ZNF507: variants seen among roughly 807,000 people sequenced by gnomAD.
The protein encoded by ZNF507 is zinc finger protein 507.
Under a neutral mutation model 80.0 loss-of-function variants are expected in ZNF507, and 29 were observed. That is an observed-to-expected ratio of 0.36 (90% CI 0.27 to 0.49). The LOEUF is 0.49. ZNF507 is among the 20% of genes least tolerant of loss of function. The probability of loss-of-function intolerance (pLI) is 0.98; values close to 1 mark genes in which losing one functional copy is unlikely to be tolerated. For missense variants in ZNF507, 1,081 were observed against 1,152.2 expected, an observed-to-expected ratio of 0.94 and a Z score of 0.90; for synonymous variants, 462 against 422.5, an observed-to-expected ratio of 1.09 and a Z score of -1.15.
chr19:32,365,491 C>T (rs1361570090), intron 5 of ZNF507, among the ~76,000 whole-genome samples: 1 of 152,042 alleles, frequency 6.6e-6, no homozygotes, highest in African/African-American at 2.4e-5. Context: ...GTCCTTAATC[C>T]ATCTTGAGTT....
intron 2 of ZNF507, among the ~76,000 whole-genome samples, chr19:32,347,728 A>G (rs889284133): frequency 1.3e-5 from 2 of 152,198 alleles, no homozygotes; most frequent in South Asian, 2.1e-4. Context: ...GGATTTCCTC[A>G]GTCATTTTTG....
In ZNF507 at chr19:32,353,237, C is replaced by T; in HGVS notation, c.407C>T (p.Ser136Phe). 1 of 1,614,206 alleles carries T rather than the reference C, an allele frequency of 6.2e-7. No homozygotes were observed. The highest frequency in any genetic ancestry group is 8.5e-7 in the Non-Finnish European group (1 of 1,180,028). Residue 136 changes from serine (S) to phenylalanine (F), a missense_variant, in exon 3 of 7, where the codon TCC (serine) becomes TTC (phenylalanine). By Grantham distance (155) the Ser-to-Phe change is radical. Coordinates refer to ENST00000355898, the MANE Select transcript of ZNF507 (RefSeq NM_001136156.2). Reference protein sequence around the residue: ...QCSLCKFLSSSFSVLKDHIKQ... With the variant: ...QCSLCKFLSSFFSVLKDHIKQ... ...AGCCTTTGTAAGTTTCTATCATCAT[C>T]CTTTTCCGTGTTAAAAGATCATATT... is the stretch of plus-strand genomic sequence containing the variant.
chr19:32,381,330 G>C (rs116960449), intron 5 of ZNF507, among the ~76,000 whole-genome samples: 2,119 of 152,242 alleles, frequency 0.014, 26 homozygotes, highest in Non-Finnish European at 0.023. Context: ...AATTGGCTGG[G>C]CATGGTGGCT....
Position 32,384,983 on chromosome 19 carries a change from A to C in ZNF507, c.*1900A>C, listed in dbSNP as rs1967670202. On this transcript the variant is annotated 3_prime_UTR_variant, in exon 7 of 7. Transcript: ENST00000355898. ...CATTTAAAATGATTTCATTATTATTACCCATACTGTTGCCACTCATATTGT... is the reference window on the plus strand; with the variant it reads ...CATTTAAAATGATTTCATTATTATTCCCCATACTGTTGCCACTCATATTGT... 2 of 152,078 alleles carry C rather than the reference A, an allele frequency of 1.3e-5. No homozygotes were observed. Among genetic ancestry groups the C allele is most frequent in the African/African-American group, 4.8e-5 (2 of 41,434 alleles). The allele number at this position is 152,078 out of a possible 1,614,324, so 9.4% of individuals were successfully genotyped here.
chr19:32,367,526 T>TAC (rs1967414832), intron 5 of ZNF507, among the ~76,000 whole-genome samples: 1 of 152,242 alleles, frequency 6.6e-6, no homozygotes. Context: ...TCCAGTTTAA[T>TAC]ATAGTCAAAT....
intron 2 of ZNF507, among the ~76,000 whole-genome samples, chr19:32,351,470 T>TGTGTGTGG (rs1568301905): frequency 1.9e-5 from 2 of 102,616 alleles, no homozygotes; most frequent in African/African-American, 3.9e-5. Flanking sequence ...TGTGTGTGTG[T>TGTGTGTGG]GGCGTGGGGG....
chr19:32,371,967 C>T (rs1302735706), intron 5 of ZNF507, among the ~76,000 whole-genome samples: 3 of 151,958 alleles, frequency 2.0e-5, no homozygotes, highest in Admixed American at 6.6e-5. Context: ...AGGAGTCTTG[C>T]GGGGGAAATG....
chr19:32,380,726 C>T (rs1056423641), intron 5 of ZNF507: 37 of 1,070,138 alleles, frequency 3.5e-5, no homozygotes, highest in East Asian at 3.4e-4. Flanking sequence ...TTTTACAATA[C>T]GACCCAGCAA....
At chr19:32,375,441 G>A (rs1208739391) in intron 5 of ZNF507, among the ~76,000 whole-genome samples, 2 of 152,236 alleles carry the variant, frequency 1.3e-5, no homozygotes. Context: ...AAAGTCCTCA[G>A]TGTAGTCCAT....
At chr19:32,374,115 T>C (rs1203631783) in intron 5 of ZNF507, among the ~76,000 whole-genome samples, 1 of 151,822 alleles carries the variant, frequency 6.6e-6, no homozygotes, top group Non-Finnish European at 1.5e-5. Context: ...TGATAATGTT[T>C]AACTAAGCCA....
rs549157245 is a variant in ZNF507 at position 32,354,538 on chromosome 19, G to T, written c.1708G>T (p.Gly570Cys). The T allele has an allele frequency of 6.2e-7, 1 of 1,614,122 alleles. No individual in the cohort carries two copies. The highest frequency in any genetic ancestry group is 2.2e-5 in the East Asian group (1 of 44,888). Residue 570 changes from glycine to cysteine, a missense_variant, in exon 3 of 7, where the codon GGT becomes TGT. Gly to Cys is a radical substitution (Grantham distance 159). Transcript: ENST00000355898. ...SNSTLVALPE[G>C]RQELSDGQVK... ...CTCCACCTTGGTAGCACTCCCAGAG[G>T]GTAGGCAGGAATTGTCAGATGGGCA...
chr19:32,374,169 A>AACACACACACACAC (rs56820529), intron 5 of ZNF507, among the ~76,000 whole-genome samples: 20,863 of 149,740 alleles, frequency 0.14, 1,460 homozygotes, highest in South Asian at 0.24. Context: ...CAAAGCAAGG[A>AACACACACACACAC]ACACACACAC....
rs1028127144 is a variant in ZNF507, at chr19:32,383,510, G to A, written c.*427G>A. 1 of 157,304 alleles carries A rather than the reference G, an allele frequency of 6.4e-6. No homozygotes were observed. The highest frequency in any genetic ancestry group is 1.9e-4 in the East Asian group (1 of 5,326). The allele number at this position is 157,304 out of a possible 1,614,324, so 9.7% of individuals were successfully genotyped here. ...CTCACTTGTCAAATGCAGACTGTGA[G>A]GCCTCCAGTGAGAAATGGGAGGCAG... On this transcript the variant is annotated 3_prime_UTR_variant, in exon 7 of 7. Transcript: ENST00000355898.
rs1359934176 is a variant in ZNF507, at chr19:32,360,461, CTT to C, written c.2246-42_2246-41del. 5.7e-6 allele frequency: 6 copies of C among 1,048,692 alleles called. No homozygotes were observed. In the African/African-American group the frequency reaches 9.9e-5, roughly 17 times the overall value. 65.0% of individuals were successfully genotyped at this position (1,048,692 alleles called of 1,614,324 possible). A position where few individuals can be genotyped will look rare whatever the true frequency, so the allele number is the denominator to read the frequency against. ...GGAATGTAAATGCTGTCATTTGAAT[CTT>C]GTCAAAGCCTGCTACTAAAACTCTG... On this transcript the variant is annotated intron_variant, in intron 4 of 6. Transcript: ENST00000355898.
At chr19:32,351,418 GCT>G (rs1491223525) in intron 2 of ZNF507, among the ~76,000 whole-genome samples, 4 of 48,856 alleles carry the variant, frequency 8.2e-5, no homozygotes, top group Non-Finnish European at 1.8e-4. Flanking sequence ...AAGCTGGTCA[GCT>G]GTGTGTGTGT....
rs1009491735 is a variant in ZNF507 at position 32,385,578 on chromosome 19, G to T, written c.*2495G>T. The T allele has an allele frequency of 3.3e-5, 5 of 152,246 alleles. No individual in the cohort carries two copies. Among genetic ancestry groups the T allele is most frequent in the African/African-American group, 1.2e-4 (5 of 41,450 alleles). The allele number at this position is 152,246 out of a possible 1,614,324, so 9.4% of individuals were successfully genotyped here. ...ACCTGTAATCCCAATACTTTAGAAG[G>T]CCAAGGCTGGAGGACTGCTTGAGTC... On this transcript the variant is annotated 3_prime_UTR_variant, in exon 7 of 7. Coordinates refer to ENST00000355898, the MANE Select transcript of ZNF507 (RefSeq NM_001136156.2).
chr19:32,355,187 G>A (rs903621936), intron 3 of ZNF507, among the ~76,000 whole-genome samples: 7 of 152,092 alleles, frequency 4.6e-5, no homozygotes, highest in African/African-American at 1.7e-4. Context: ...GACAGCCTCT[G>A]TGTTTTAGTG....
intron 5 of ZNF507, among the ~76,000 whole-genome samples, chr19:32,366,470 T>C (rs1273885673): frequency 6.6e-6 from 1 of 152,014 alleles, no homozygotes; most frequent in Non-Finnish European, 1.5e-5. Context: ...ATACAGTACA[T>C]ATTCTACTTT....
rs1208061709 is a variant in ZNF507, at chr19:32,354,536, A to C, written c.1706A>C (p.Glu569Ala). Reference protein sequence around the residue: ...QSNSTLVALPEGRQELSDGQV... With the variant: ...QSNSTLVALPAGRQELSDGQV... Reference sequence around the variant, plus strand: ...AACTCCACCTTGGTAGCACTCCCAGAGGGTAGGCAGGAATTGTCAGATGGG... The same window carrying C: ...AACTCCACCTTGGTAGCACTCCCAGCGGGTAGGCAGGAATTGTCAGATGGG... The change falls in exon 3 of 7, where the codon GAG (glutamate) becomes GCG (alanine). Residue 569 changes from glutamate to alanine, a missense_variant. Physicochemically the swap from Glu to Ala is moderately radical, Grantham distance 107. Around this residue, in one of 6 missense-constraint regions of ZNF507, gnomAD observed 614 missense variants for 583.9 expected, o/e 1.05. Transcript: ENST00000355898. The C allele has an allele frequency of 1.2e-6, 2 of 1,614,198 alleles. No homozygotes were observed. The highest frequency in any genetic ancestry group is 1.7e-6 in the Non-Finnish European group (2 of 1,180,026).
Sources: allele counts gnomAD v4.1 joint callset (sites outside exome capture counted in the v4.1 genomes callset), GRCh38; gene constraint gnomAD v4.1.1; regional missense constraint gnomAD v4.1.1; transcripts MANE v1.5; gene names NCBI Gene and HGNC (gene_info 2026-07-23, HGNC 2026-07-21).